The following WWOX variants were observed in gnomAD, a reference collection of about 807,000 sequenced individuals.
WWOX encodes WW domain-containing oxidoreductase.
A neutral mutation model predicts 46.2 loss-of-function variants in WWOX; 69 were observed. That is an observed-to-expected ratio of 1.49 (90% confidence interval 1.23 to 1.82). The LOEUF (loss-of-function observed/expected upper bound fraction) is 1.82. WWOX is among the 40% of genes most tolerant of loss of function. The pLI is 0.00. For synonymous variants in WWOX, 359 were observed against 202.6 expected, an observed-to-expected ratio of 1.77 and a Z score of -6.56; for missense variants, 919 against 542.6, an observed-to-expected ratio of 1.69 and a Z score of -6.89.
intron 8 of WWOX, among the ~76,000 whole-genome samples, chr16:78,756,673 A>G (rs2049656475): frequency 6.6e-6 from 1 of 152,122 alleles, no homozygotes; most frequent in Non-Finnish European, 1.5e-5. Context: ...CTGTTTGTTC[A>G]TTCATTCTTC....
chr16:78,818,188 T>C (rs1050533681), intron 8 of WWOX, among the ~76,000 whole-genome samples: 10 of 152,156 alleles, frequency 6.6e-5, no homozygotes, highest in African/African-American at 1.4e-4. Flanking sequence ...AGTCTCTGTG[T>C]TCAGGTACTC....
chr16:78,422,728 T>C (rs2082968861), intron 6 of WWOX, among the ~76,000 whole-genome samples: 1 of 91,556 alleles, frequency 1.1e-5, no homozygotes, highest in African/African-American at 7.1e-5. Context: ...CACATATATA[T>C]ATACACACAC....
intron 5 of WWOX, among the ~76,000 whole-genome samples, chr16:78,308,793 A>T (rs982956024): frequency 2.0e-5 from 3 of 152,136 alleles, no homozygotes; most frequent in Non-Finnish European, 4.4e-5. Flanking sequence ...GACTTATCTT[A>T]ACCCAGATAG....
chr16:78,135,171 A>G (rs549884551), intron 4 of WWOX, among the ~76,000 whole-genome samples: 2 of 152,368 alleles, frequency 1.3e-5, no homozygotes, highest in South Asian at 2.1e-4. Context: ...TGGGATGCAG[A>G]GAAAACTCAC....
intron 6 of WWOX, among the ~76,000 whole-genome samples, chr16:78,398,696 G>A (rs967366132): frequency 1.3e-5 from 2 of 152,154 alleles, no homozygotes; most frequent in African/African-American, 4.8e-5. Flanking sequence ...TAATATCTGT[G>A]CTACAACTTA....
At chr16:78,481,554 T>G (rs1168569806) in intron 8 of WWOX, among the ~76,000 whole-genome samples, 1 of 152,020 alleles carries the variant, frequency 6.6e-6, no homozygotes, top group Non-Finnish European at 1.5e-5. Flanking sequence ...CCACCACCCC[T>G]TAATTTAAAG....
chr16:78,994,971 T>TTC (rs2046960195), intron 8 of WWOX, among the ~76,000 whole-genome samples: 2 of 84,738 alleles, frequency 2.4e-5, no homozygotes, highest in African/African-American at 1.4e-4. Context: ...TTCTTCTTCT[T>TTC]TTTTTTTTTT....
intron 8 of WWOX, among the ~76,000 whole-genome samples, chr16:78,860,198 A>G (rs188943553): frequency 2.8e-4 from 42 of 152,322 alleles, no homozygotes; most frequent in African/African-American, 9.9e-4. Flanking sequence ...TTTACCAAAT[A>G]TTTACTTATA....
chr16:78,228,524 T>C (rs1331850581), intron 5 of WWOX, among the ~76,000 whole-genome samples: 3 of 152,092 alleles, frequency 2.0e-5, no homozygotes, highest in African/African-American at 4.8e-5. Context: ...GTATTTTTTG[T>C]AGAGACAGGG....
intron 8 of WWOX, among the ~76,000 whole-genome samples, chr16:79,044,996 G>A (rs1241947217): frequency 1.3e-5 from 2 of 152,194 alleles, no homozygotes; most frequent in Non-Finnish European, 2.9e-5. Flanking sequence ...TCAATAAAGG[G>A]TAGATGTTAA....
chr16:78,539,455 T>A (rs1204752546), intron 8 of WWOX, among the ~76,000 whole-genome samples: 1 of 152,242 alleles, frequency 6.6e-6, no homozygotes, highest in South Asian at 2.1e-4. Context: ...AAGAGTGCAT[T>A]TCTCTTCCAG....
chr16:78,708,932 G>T (rs1218356718), intron 8 of WWOX, among the ~76,000 whole-genome samples: 2 of 152,144 alleles, frequency 1.3e-5, no homozygotes, highest in African/African-American at 4.8e-5. Flanking sequence ...TAAAAAGAAG[G>T]CAGGGAAAGA....
intron 8 of WWOX, among the ~76,000 whole-genome samples, chr16:78,478,039 C>T (rs2084393791): frequency 6.6e-6 from 1 of 151,990 alleles, no homozygotes; most frequent in Non-Finnish European, 1.5e-5. Flanking sequence ...ATAAAATCCC[C>T]TAAAGAAATA....
rs1180852552 is a variant in WWOX, at chr16:78,719,817, A to G, written c.1056+287065A>G. On this transcript the variant is annotated intron_variant, in intron 8 of 8. Coordinates refer to ENST00000566780, the MANE Select transcript of WWOX (RefSeq NM_016373.4). ...GTTTTCTCTTATTATAACAAACACC[A>G]ATCAAAAACAAACAAATACATGACG... 2.6e-5 allele frequency among the ~76,000 whole-genome samples: 4 copies of G among 152,336 alleles called. No homozygotes were observed. The East Asian group carries it at 7.7e-4, about 29-fold the overall frequency.
intron 8 of WWOX, among the ~76,000 whole-genome samples, chr16:78,709,270 C>G (rs530651418): frequency 1.3e-5 from 2 of 152,122 alleles, no homozygotes. Context: ...CTGCGGGAGA[C>G]AAAATAACAG....
intron 8 of WWOX, among the ~76,000 whole-genome samples, chr16:78,680,793 C>T (rs1457064683): frequency 6.6e-6 from 1 of 152,100 alleles, no homozygotes; most frequent in Non-Finnish European, 1.5e-5. Flanking sequence ...GTGTTGGGCA[C>T]AGTACCTGCT....
At chr16:78,277,237 G>A (rs1251572342) in intron 5 of WWOX, among the ~76,000 whole-genome samples, 1 of 152,166 alleles carries the variant, frequency 6.6e-6, no homozygotes, top group Non-Finnish European at 1.5e-5. Context: ...AGAGAGAGAA[G>A]CTCCGATTTT....
chr16:78,647,319 T>TG (rs1047714929), intron 8 of WWOX, among the ~76,000 whole-genome samples: 5 of 152,138 alleles, frequency 3.3e-5, no homozygotes, highest in African/African-American at 4.8e-5. Flanking sequence ...CAGGCGAGGA[T>TG]GAGGAGTAAC....
chr16:78,299,282 T>G (rs1312418236), intron 5 of WWOX, among the ~76,000 whole-genome samples: 3 of 152,096 alleles, frequency 2.0e-5, no homozygotes, highest in Non-Finnish European at 4.4e-5. Flanking sequence ...CAGGAGTGAG[T>G]GCTTCCTCCT....
Sources: gnomAD v4.1 joint callset for allele counts (sites outside exome capture counted in the v4.1 genomes callset) on GRCh38, gnomAD v4.1.1 for gene constraint, MANE v1.5 for transcripts, NCBI Gene and HGNC (gene_info 2026-07-23, HGNC 2026-07-21) for gene names.